Variants in ST18 observed in about 807,000 individuals in gnomAD.
ST18 encodes the protein suppression of tumorigenicity 18 protein.
In ST18, 50 loss-of-function variants were observed where a neutral mutation model predicts 110.0. The observed-to-expected ratio is 0.45, with a 90% confidence interval of 0.36 to 0.58. ST18 has a LOEUF of 0.58. Among genes scored for constraint, ST18 ranks in the 20% least tolerant of loss-of-function variants. The pLI is 0.00. For synonymous variants in ST18, 461 were observed against 452.4 expected (o/e 1.02, Z -0.24); for missense variants, 1,306 against 1,280.1 (o/e 1.02, Z -0.31).
intron 15 of ST18, among the ~76,000 whole-genome samples, chr8:52,154,020 A>C (rs575060733): frequency 6.6e-6 from 1 of 152,306 alleles, no homozygotes; most frequent in East Asian, 1.9e-4. Flanking sequence ...AGGGGATTGG[A>C]CTAGGTTTTT....
At chr8:52,364,813 T>C (rs978304350) in intron 2 of ST18, among the ~76,000 whole-genome samples, 1 of 152,084 alleles carries the variant, frequency 6.6e-6, no homozygotes, top group Non-Finnish European at 1.5e-5. Flanking sequence ...TTTACTCCTA[T>C]AGAAAGTTCC....
rs144073708 is a variant in ST18, at chr8:52,131,961, C to A, written c.2663G>T (p.Arg888Leu). 2 of 1,613,968 alleles carry A rather than the reference C, an allele frequency of 1.2e-6. No homozygotes were observed. Among genetic ancestry groups the A allele is most frequent in the Admixed American group, 3.3e-5 (2 of 60,010 alleles). Residue 888 changes from arginine to leucine, a missense_variant, in exon 22 of 26, where the codon CGA becomes CTA. Physicochemically the swap from Arg to Leu is moderately radical, Grantham distance 102. Transcript: ENST00000689386. ...GHVNNVFVTHRSLSGCPLNAQ... is the reference protein window; with the variant it reads ...GHVNNVFVTHLSLSGCPLNAQ... Reference sequence around the variant, plus strand: ...AAAGACAGAAAACTCATGTTACCTTCGGTGGGTGACAAAAACATTATTTAC... The same window carrying A: ...AAAGACAGAAAACTCATGTTACCTTAGGTGGGTGACAAAAACATTATTTAC...
intron 2 of ST18, among the ~76,000 whole-genome samples, chr8:52,256,888 A>G (rs2094544238): frequency 2.6e-5 from 4 of 152,196 alleles, no homozygotes; most frequent in South Asian, 2.1e-4. Context: ...AAGATTTTAG[A>G]ACATTTTCAT....
At chr8:52,275,300 C>G (rs893028491) in intron 2 of ST18, among the ~76,000 whole-genome samples, 1 of 152,154 alleles carries the variant, frequency 6.6e-6, no homozygotes, top group African/African-American at 2.4e-5. Context: ...CTTCTACTAT[C>G]TAGATCATGA....
chr8:52,333,297 T>C (rs1810465979), intron 2 of ST18, among the ~76,000 whole-genome samples: 1 of 140,606 alleles, frequency 7.1e-6, no homozygotes, highest in Non-Finnish European at 1.5e-5. Context: ...TAGCATTTTC[T>C]ATTAAAAAAA....
chr8:52,186,154 G>A (rs1278462591), intron 8 of ST18, among the ~76,000 whole-genome samples: 1 of 152,132 alleles, frequency 6.6e-6, no homozygotes, highest in East Asian at 1.9e-4. Context: ...CAAAGAGTGG[G>A]AGAAGGTATT....
intron 2 of ST18, among the ~76,000 whole-genome samples, chr8:52,232,239 T>G (rs915187508): frequency 2.0e-5 from 3 of 152,228 alleles, no homozygotes; most frequent in Non-Finnish European, 4.4e-5. Context: ...CAGAACCACT[T>G]TATAGCTTAT....
In ST18 at chr8:52,230,075, C is replaced by T. The variant is rs2090854062; in HGVS notation, c.-462G>A. On this transcript the variant is annotated splice_region_variant and 5_prime_UTR_variant, in exon 3 of 26. The change creates a new upstream start codon in the 5' untranslated region. Coordinates refer to ENST00000689386, the MANE Select transcript of ST18 (RefSeq NM_001352837.2). ...GATCTGAACTGGAGAGTTTCCATCACTCCTGAGGAAAAGCATCGGAGGAGG... is the reference window on the plus strand; with the variant it reads ...GATCTGAACTGGAGAGTTTCCATCATTCCTGAGGAAAAGCATCGGAGGAGG... The T allele has an allele frequency of 6.6e-6, 1 of 152,472 alleles. No homozygotes were observed. The highest frequency in any genetic ancestry group is 1.9e-4 in the East Asian group (1 of 5,184). The allele number at this position is 152,472 out of a possible 1,614,324, so 9.4% of individuals were successfully genotyped here.
At chr8:52,253,678 C>T (rs1445592029) in intron 2 of ST18, among the ~76,000 whole-genome samples, 1 of 152,044 alleles carries the variant, frequency 6.6e-6, no homozygotes, top group Non-Finnish European at 1.5e-5. Flanking sequence ...ACCTCTCATC[C>T]CTCACAAAGA....
intron 22 of ST18, among the ~76,000 whole-genome samples, chr8:52,128,528 C>T (rs563933227): frequency 6.6e-6 from 1 of 152,144 alleles, no homozygotes; most frequent in South Asian, 2.1e-4. Context: ...AATTTTGTCA[C>T]ATAGAGATTT....
At chr8:52,262,638 G>T (rs1406952294) in intron 2 of ST18, among the ~76,000 whole-genome samples, 1 of 152,152 alleles carries the variant, frequency 6.6e-6, no homozygotes, top group Non-Finnish European at 1.5e-5. Context: ...CATTTTTTCT[G>T]CTGATTTCTA....
intron 2 of ST18, among the ~76,000 whole-genome samples, chr8:52,402,398 A>T (rs1435822697): frequency 6.6e-6 from 1 of 152,078 alleles, no homozygotes; most frequent in East Asian, 1.9e-4. Context: ...CAGGTCTCCC[A>T]CCAAGCCAAG....
chr8:52,298,713 T>C (rs2095670533), intron 2 of ST18, among the ~76,000 whole-genome samples: 1 of 152,230 alleles, frequency 6.6e-6, no homozygotes, highest in Non-Finnish European at 1.5e-5. Flanking sequence ...ACCACTACTT[T>C]TACACATATT....
intron 2 of ST18, among the ~76,000 whole-genome samples, chr8:52,234,509 C>T (rs559807613): frequency 1.4e-4 from 21 of 152,158 alleles, no homozygotes; most frequent in African/African-American, 2.9e-4. Flanking sequence ...ATAATCCATC[C>T]GCCTTGGCCT....
intron 2 of ST18, among the ~76,000 whole-genome samples, chr8:52,326,108 C>T (rs892288558): frequency 6.6e-6 from 1 of 152,140 alleles, no homozygotes; most frequent in Non-Finnish European, 1.5e-5. Context: ...ATTTGAAAAG[C>T]CTTGTGCCTC....
intron 2 of ST18, among the ~76,000 whole-genome samples, chr8:52,388,657 T>C (rs887502495): frequency 3.3e-5 from 5 of 150,666 alleles, no homozygotes; most frequent in Admixed American, 1.3e-4. Context: ...AAAGGAGGGA[T>C]GGAAGGGAAT....
rs2056708789 is a variant in ST18 at position 52,144,909 on chromosome 8, A to G, written c.2053-1864T>C. ...CTTAAACCTGATAATTCCGCCATCT[A>G]CTTTATTTAGTCCTATCTGGATTTG... On this transcript the variant is annotated intron_variant, in intron 16 of 25. Transcript: ENST00000689386. Among the ~76,000 whole-genome samples, 4 of 152,216 alleles carry G rather than the reference A, an allele frequency of 2.6e-5. No homozygotes were observed. The South Asian group carries it at 6.2e-4, about 24-fold the overall frequency.
chr8:52,160,028 T>C (rs2061013709), intron 14 of ST18, among the ~76,000 whole-genome samples: 1 of 152,328 alleles, frequency 6.6e-6, no homozygotes, highest in Admixed American at 6.5e-5. Flanking sequence ...TGGCAAATGT[T>C]ATATTTCTAT....
At chr8:52,207,347 C>T (rs2080462612) in intron 8 of ST18, among the ~76,000 whole-genome samples, 1 of 152,086 alleles carries the variant, frequency 6.6e-6, no homozygotes, top group South Asian at 2.1e-4. Context: ...ACAAAATTAG[C>T]TGAGTGTGGT....
Sources: allele counts gnomAD v4.1 joint callset (sites outside exome capture counted in the v4.1 genomes callset), GRCh38; gene constraint gnomAD v4.1.1; transcripts MANE v1.5; gene names NCBI Gene and HGNC (gene_info 2026-07-23, HGNC 2026-07-21).